The following CILK1 variants were observed in gnomAD, a reference collection of about 807,000 sequenced individuals.
CILK1 encodes the protein ciliogenesis associated kinase 1, also known as serine/threonine-protein kinase ICK.
CILK1 carries 47 observed loss-of-function variants against 79.2 expected under a neutral mutation model. That is an observed-to-expected ratio of 0.59 (90% CI 0.47 to 0.76). The LOEUF (loss-of-function observed/expected upper bound fraction) is 0.76, where lower values mean the gene tolerates loss of function less well. CILK1 is among the 30% of genes least tolerant of loss of function. The pLI is 0.00. For synonymous variants in CILK1, 266 were observed against 275.9 expected (o/e 0.96, Z 0.36); for missense variants, 660 against 769.5 (o/e 0.86, Z 1.68).
chr6:53,037,496 G>A (rs1766434444), intron 3 of CILK1, among the ~76,000 whole-genome samples: 1 of 152,188 alleles, frequency 6.6e-6, no homozygotes, highest in Non-Finnish European at 1.5e-5. Context: ...CTGTGGCCCA[G>A]TGCTGGTAAG....
chr6:53,047,369 A>C (rs1356814953), intron 1 of CILK1, among the ~76,000 whole-genome samples: 1 of 151,500 alleles, frequency 6.6e-6, no homozygotes, highest in Non-Finnish European at 1.5e-5. Context: ...AGTGGTGAAA[A>C]TCACAGCTCA....
At chr6:53,027,291 G>A (rs1401634126) in intron 5 of CILK1, among the ~76,000 whole-genome samples, 2 of 152,170 alleles carry the variant, frequency 1.3e-5, no homozygotes, top group East Asian at 3.8e-4. Flanking sequence ...TTTCTGGCAC[G>A]GATAAGTGTG....
intron 1 of CILK1, among the ~76,000 whole-genome samples, chr6:53,047,498 CTCT>C (rs1303920678): frequency 3.3e-5 from 3 of 90,670 alleles, no homozygotes; most frequent in African/African-American, 9.4e-5. Context: ...GAGATGAGGT[CTCT>C]TTTTTTTTTT....
At chr6:53,030,610 TTTTAA>T (rs1163598461) in intron 5 of CILK1, among the ~76,000 whole-genome samples, 1 of 152,246 alleles carries the variant, frequency 6.6e-6, no homozygotes, top group Non-Finnish European at 1.5e-5. Flanking sequence ...GTTTGCTAAT[TTTTAA>T]TTTATTCTAT....
chr6:53,054,270 C>G (rs1272311143), intron 1 of CILK1, among the ~76,000 whole-genome samples: 1 of 152,148 alleles, frequency 6.6e-6, no homozygotes, highest in Non-Finnish European at 1.5e-5. Flanking sequence ...TTGTCCTCAC[C>G]TCACTGCCAG....
chr6:53,054,524 A>T (rs982807425), intron 1 of CILK1: 3 of 152,266 alleles, frequency 2.0e-5, no homozygotes, highest in Non-Finnish European at 2.9e-5. Context: ...GTTGGGCCCA[A>T]CTAAAAGTTC....
chr6:53,052,656 A>G (rs1464902238), intron 1 of CILK1, among the ~76,000 whole-genome samples: 1 of 151,952 alleles, frequency 6.6e-6, no homozygotes, highest in African/African-American at 2.4e-5. Flanking sequence ...GCTTGAACCC[A>G]GGAGGCGGAG....
chr6:53,036,104 C>T lies in CILK1; in HGVS notation c.156+1835G>A, dbSNP rs574806419. Among the ~76,000 whole-genome samples the T allele has an allele frequency of 3.9e-5, 6 of 152,284 alleles. No individual in the cohort carries two copies. The South Asian group carries it at 1.2e-3, about 32-fold the overall frequency. On this transcript the variant is annotated intron_variant, in intron 3 of 13. Coordinates refer to ENST00000676107, the MANE Select transcript of CILK1 (RefSeq NM_014920.5). ...CGAGGCAGTCACTTGCTTCCTAAGACACTATGTGCCCATAGTTTTTCTAAA... is the reference window on the plus strand; with the variant it reads ...CGAGGCAGTCACTTGCTTCCTAAGATACTATGTGCCCATAGTTTTTCTAAA...
Position 53,009,497 on chromosome 6 carries a change from A to G in CILK1, c.1563T>C (p.Ser521=). 6.2e-7 allele frequency: 1 copy of G among 1,613,274 alleles called. No homozygotes were observed. The highest frequency in any genetic ancestry group is 8.5e-7 in the Non-Finnish European group (1 of 1,179,146). ...CTGAAGATTTTCCAGACAAGCCAGA[A>G]CTAGACCATGGATTAGGTGGAATAA... The part of the protein sequence containing the change: ...KEFIPPNPWS[S]SGLSGKSSGT... Residue 521 remains serine (S), a synonymous_variant, in exon 12 of 14, where the codon AGT becomes AGC. Coordinates refer to ENST00000676107, the MANE Select transcript of CILK1 (RefSeq NM_014920.5).
intron 12 of CILK1, among the ~76,000 whole-genome samples, chr6:53,006,801 A>G (rs1764248625): frequency 6.6e-6 from 1 of 152,228 alleles, no homozygotes; most frequent in African/African-American, 2.4e-5. Flanking sequence ...TTATCCTTCC[A>G]TGTGAGTACA....
intron 12 of CILK1, among the ~76,000 whole-genome samples, chr6:53,008,764 C>T (rs2127403146): frequency 6.6e-6 from 1 of 152,286 alleles, no homozygotes; most frequent in Middle Eastern, 3.4e-3. Context: ...GTGATGGCTA[C>T]ACAGGTGTTG....
intron 1 of CILK1, among the ~76,000 whole-genome samples, chr6:53,047,464 CTT>C (rs60611050): frequency 2.0e-4 from 14 of 70,706 alleles, no homozygotes; most frequent in African/African-American, 5.2e-4. Flanking sequence ...CACTACCAGG[CTT>C]TTTTTTTTTT....
chr6:53,038,080 C>T, intron 2 of CILK1, 87 bp from the exon 3 acceptor site: 1 of 858,456 alleles, frequency 1.2e-6, no homozygotes, highest in East Asian at 2.5e-5. Flanking sequence ...CATTCTGATC[C>T]TAATTAACAG....
At chr6:53,017,353 G>A (rs1317027876) in intron 7 of CILK1, among the ~76,000 whole-genome samples, 1 of 152,232 alleles carries the variant, frequency 6.6e-6, no homozygotes, top group South Asian at 2.1e-4. Flanking sequence ...ATAGGACACA[G>A]CTGAAGATGG....
intron 5 of CILK1, among the ~76,000 whole-genome samples, chr6:53,026,508 G>A (rs923283841): frequency 6.6e-6 from 1 of 152,140 alleles, no homozygotes; most frequent in African/African-American, 2.4e-5. Context: ...GTCATTAACA[G>A]TACTACTATT....
In CILK1 at chr6:53,001,969, C is replaced by A. The variant is rs533208609; in HGVS notation, c.*3180G>T. ...TCAACTCCAACAGTACCTGTATTTGCACTCAAAAATAAAATAATTCTTGTG... is the reference window on the plus strand; with the variant it reads ...TCAACTCCAACAGTACCTGTATTTGAACTCAAAAATAAAATAATTCTTGTG... On this transcript the variant is annotated 3_prime_UTR_variant, in exon 14 of 14. Coordinates refer to ENST00000676107, the MANE Select transcript of CILK1 (RefSeq NM_014920.5). 74 of 152,636 alleles carry A rather than the reference C, an allele frequency of 4.8e-4. No individual in the cohort carries two copies. The highest frequency in any genetic ancestry group is 1.7e-3 in the African/African-American group (72 of 41,528). 9.5% of individuals were successfully genotyped at this position (152,636 alleles called of 1,614,324 possible). A position where few individuals can be genotyped will look rare whatever the true frequency, so the allele number is the denominator to read the frequency against.
intron 1 of CILK1, among the ~76,000 whole-genome samples, chr6:53,060,074 A>G (rs1223962228): frequency 6.6e-6 from 1 of 152,240 alleles, no homozygotes; most frequent in Non-Finnish European, 1.5e-5. Context: ...GATAATTCCA[A>G]TGTTTCAAGA....
chr6:53,029,962 G>C (rs138536514), intron 5 of CILK1, among the ~76,000 whole-genome samples: 1 of 152,248 alleles, frequency 6.6e-6, no homozygotes, highest in Admixed American at 6.5e-5. Flanking sequence ...CGTCCATCTG[G>C]TGGCTCTGTG....
chr6:53,008,984 G>A (rs969863003), intron 12 of CILK1, among the ~76,000 whole-genome samples: 1 of 152,116 alleles, frequency 6.6e-6, no homozygotes, highest in African/African-American at 2.4e-5. Flanking sequence ...CAAAAAAAGT[G>A]GGGAGGGTCT....
Sources: allele counts gnomAD v4.1 joint callset (sites outside exome capture counted in the v4.1 genomes callset), GRCh38; gene constraint gnomAD v4.1.1; transcripts MANE v1.5; gene names NCBI Gene and HGNC (gene_info 2026-07-23, HGNC 2026-07-21).